The following NBPF12 variants were observed in gnomAD, a reference collection of about 807,000 sequenced individuals.
NBPF12 encodes NBPF member 12, also known as NBPF family member NBPF12.
A neutral mutation model predicts 146.4 loss-of-function variants in NBPF12; 115 were observed. The observed-to-expected ratio is 0.79, with a 90% confidence interval of 0.68 to 0.92. The LOEUF is 0.92. Among genes scored for constraint, NBPF12 ranks in the 40% least tolerant of loss-of-function variants. The pLI is 0.00. For missense variants in NBPF12, 1,205 were observed against 1,326.8 expected (o/e 0.91, Z 1.43); for synonymous variants, 385 against 508.9 (o/e 0.76, Z 3.28).
chr1:146,962,422 T>C (rs1453772791), intron 5 of NBPF12, among the ~76,000 whole-genome samples, 159 bp downstream of exon 8: 7 of 119,758 alleles, frequency 5.8e-5, no homozygotes, highest in Non-Finnish European at 1.8e-5. Context: ...AGAACAAGGA[T>C]AATAATAAGT....
chr1:146,962,585 C>G (rs1257296668), intron 5 of NBPF12, among the ~76,000 whole-genome samples: 14 of 151,662 alleles, frequency 9.2e-5, no homozygotes, highest in Admixed American at 5.3e-4. Context: ...TGCCACCCCA[C>G]TTACCCTTAG....
In NBPF12 at chr1:146,969,654, C is replaced by T. The variant is rs1363575177; in HGVS notation, c.1306+58C>T. The T allele has an allele frequency of 6.7e-5, 104 of 1,541,090 alleles. 1 individual carries two copies. The highest frequency in any genetic ancestry group is 1.5e-4 in the African/African-American group (11 of 72,330). On this transcript the variant is annotated intron_variant, in intron 11 of 33. Transcript: ENST00000617844. ...CCCCAGGCTTATGAGAGGCTCCAGA[C>T]CTCCATACTTTCACAATGACAGTTG... is the stretch of plus-strand genomic sequence containing the variant.
chr1:146,992,646 C>T, intron 31 of NBPF12, 66 bp from the exon 35 acceptor site: 1 of 772,536 alleles, frequency 1.3e-6, no homozygotes. Flanking sequence ...ACCCATGAAA[C>T]CTAGTTGGGG....
At chr1:146,938,442 G>A (rs1654629477), upstream of NBPF12, among the ~76,000 whole-genome samples, 1 of 152,140 alleles carries the variant, frequency 6.6e-6, no homozygotes, top group Non-Finnish European at 1.5e-5. Context: ...GGCGGTTCAA[G>A]TGGCCGGGGA....
chr1:146,962,389 C>G, intron 5 of NBPF12, 126 bp downstream of exon 8: 1 of 752,942 alleles, frequency 1.3e-6, no homozygotes, highest in Non-Finnish European at 2.3e-6. Context: ...ATGGCAGGCT[C>G]ATGACACACA....
intron 1 of NBPF12, among the ~76,000 whole-genome samples, chr1:146,950,470 T>A (rs1283939000): frequency 6.6e-6 from 1 of 151,752 alleles, no homozygotes; most frequent in South Asian, 2.1e-4. Context: ...TAACCCAAAA[T>A]AGTTTGGAAA....
At chr1:146,980,701 C>T (rs1198490563) in intron 19 of NBPF12, among the ~76,000 whole-genome samples, 25 of 151,568 alleles carry the variant, frequency 1.6e-4, no homozygotes, top group Non-Finnish European at 3.1e-4. Flanking sequence ...ACTAGTTCAA[C>T]GATTGTGGAA....
At chr1:146,992,458 C>G (rs1390802416) in intron 31 of NBPF12, among the ~76,000 whole-genome samples, 6 of 99,510 alleles carry the variant, frequency 6.0e-5, no homozygotes, top group South Asian at 3.5e-4. Flanking sequence ...CTCTCTCTCT[C>G]TCTCTGTGTG....
chr1:146,966,232 C>G (rs1456697637), intron 8 of NBPF12, among the ~76,000 whole-genome samples: 4 of 151,896 alleles, frequency 2.6e-5, no homozygotes, highest in Non-Finnish European at 5.9e-5. Context: ...TTTATAGAAA[C>G]GTATAAGCAA....
chr1:146,946,941 C>T (rs1197548381), upstream of NBPF12, among the ~76,000 whole-genome samples: 13 of 152,008 alleles, frequency 8.6e-5, no homozygotes, highest in Admixed American at 3.3e-4. Context: ...GCTATCTTTG[C>T]TGTTTTAAAT....
At chr1:146,961,635 G>A (rs1196701908) in intron 4 of NBPF12, among the ~76,000 whole-genome samples, 4 of 151,846 alleles carry the variant, frequency 2.6e-5, no homozygotes, top group African/African-American at 9.7e-5. Context: ...ATTTTCTTAT[G>A]TCTCACACTT....
intron 1 of NBPF12, among the ~76,000 whole-genome samples, chr1:146,942,228 A>T (rs1309837723): frequency 5.9e-5 from 9 of 151,526 alleles, no homozygotes; most frequent in South Asian, 2.1e-4. Flanking sequence ...GGCTCAGTTG[A>T]TTGTCACACC....
intron 19 of NBPF12, among the ~76,000 whole-genome samples, chr1:146,982,623 G>A (rs1657465627): frequency 6.6e-6 from 1 of 151,540 alleles, no homozygotes; most frequent in African/African-American, 2.4e-5. Context: ...CAAAGTAGTT[G>A]AAGCCCTGTG....
At chr1:146,966,541 A>G in exon 9 of NBPF12, 7 of 1,460,706 alleles carry the variant, frequency 4.8e-6, no homozygotes, top group Admixed American at 1.7e-5. Flanking sequence ...GAAGGCAGAG[A>G]TGAACATTCT....
upstream of NBPF12, among the ~76,000 whole-genome samples, chr1:146,946,464 T>C (rs1655072349): frequency 6.6e-6 from 1 of 151,232 alleles, no homozygotes; most frequent in East Asian, 1.9e-4. Context: ...TCTCATATGC[T>C]TATTTGCCAT....
chr1:146,939,115 GGCTCCGCA>G, intron 1 of NBPF12, 103 bp downstream of exon 1: 1 of 152,086 alleles, frequency 6.6e-6, no homozygotes, highest in Non-Finnish European at 1.5e-5. Flanking sequence ...GGCACTGCCG[GGCTCCGCA>G]GGGCTCCGCC....
intron 19 of NBPF12, among the ~76,000 whole-genome samples, chr1:146,980,061 T>C (rs1657269825): frequency 6.7e-6 from 1 of 148,674 alleles, no homozygotes; most frequent in Non-Finnish European, 1.5e-5. Flanking sequence ...CCCTTTACCA[T>C]TATGTAGTGG....
At chr1:146,981,294 A>C (rs1367438020) in intron 19 of NBPF12, among the ~76,000 whole-genome samples, 1 of 90,246 alleles carries the variant, frequency 1.1e-5, no homozygotes, top group Non-Finnish European at 2.0e-5. Flanking sequence ...AAAAAAAAAA[A>C]ATATATATAT....
In NBPF12 at chr1:146,992,535, T is replaced by G. The variant is rs1248595678; in HGVS notation, c.3849-177T>G. On this transcript the variant is annotated intron_variant, in intron 31 of 33. Transcript: ENST00000617844. ...GTGTCTATCTGTCTTTCTCTTTCAT[T>G]CTTTTCCATTTGGCCCTGTTCTGTC... is the stretch of plus-strand genomic sequence containing the variant. 3.4e-4 allele frequency among the ~76,000 whole-genome samples: 48 copies of G among 141,610 alleles called. 1 individual carries two copies. The highest frequency in any genetic ancestry group is 1.4e-4 in the Non-Finnish European group (9 of 64,884). 92.9% of individuals were successfully genotyped at this position (141,610 alleles called of 152,430 possible).
Sources: gnomAD v4.1 joint callset for allele counts (sites outside exome capture counted in the v4.1 genomes callset) on GRCh38, gnomAD v4.1.1 for gene constraint, MANE v1.5 for transcripts, NCBI Gene and HGNC (gene_info 2026-07-23, HGNC 2026-07-21) for gene names.